Variants in POGLUT3 observed in about 807,000 individuals in gnomAD.
POGLUT3 encodes the protein protein O-glucosyltransferase 3.
In POGLUT3, 48 loss-of-function variants were observed where a neutral mutation model predicts 54.3. That is an observed-to-expected ratio of 0.88 (90% CI 0.70 to 1.12). The LOEUF (loss-of-function observed/expected upper bound fraction) is 1.12. Ranked by LOEUF, POGLUT3 falls within the 50% of genes most tolerant of loss-of-function variation. The pLI is 0.00. For synonymous variants in POGLUT3, 218 were observed against 237.4 expected, an observed-to-expected ratio of 0.92 and a Z score of 0.75; for missense variants, 629 against 618.7, an observed-to-expected ratio of 1.02 and a Z score of -0.18.
chr11:108,497,531 A>G (rs1339999284), intron 1 of POGLUT3, among the ~76,000 whole-genome samples: 1 of 152,250 alleles, frequency 6.6e-6, no homozygotes, highest in Admixed American at 6.5e-5. Context: ...CGTGAAGGAC[A>G]ACGTGGGAGG....
intron 3 of POGLUT3, among the ~76,000 whole-genome samples, chr11:108,485,636 T>TTTTATTTA (rs34832849): frequency 0.13 from 17,843 of 140,276 alleles, 1,290 homozygotes; most frequent in Middle Eastern, 0.29. Flanking sequence ...CTTTATTCTA[T>TTTTATTTA]TTTATTTATT....
chr11:108,480,664 C>T (rs906862293), intron 5 of POGLUT3, among the ~76,000 whole-genome samples: 2 of 152,006 alleles, frequency 1.3e-5, no homozygotes, highest in Admixed American at 6.6e-5. Context: ...CTCTGGGCCT[C>T]GTGATAATGC....
chr11:108,474,930 C>A lies in POGLUT3; in HGVS notation c.1421G>T (p.Ser474Ile), dbSNP rs2093577642. Reference sequence around the variant, plus strand: ...CATTCCATCACGTACTTCGGGTTTGCTGGACTGGCGCTCGGCATATTTCTG... The same window carrying A: ...CATTCCATCACGTACTTCGGGTTTGATGGACTGGCGCTCGGCATATTTCTG... ...VLQKYAERQS[S>I]KPEVRDGMEL... Residue 474 changes from serine (S) to isoleucine (I), a missense_variant, in exon 8 of 8, where the codon AGC (serine) becomes ATC (isoleucine). By Grantham distance (142) the Ser-to-Ile change is moderately radical. Transcript: ENST00000323468. 10 of 1,613,968 alleles carry A rather than the reference C, an allele frequency of 6.2e-6. No homozygotes were observed. The highest frequency in any genetic ancestry group is 8.5e-6 in the Non-Finnish European group (10 of 1,179,924).
rs886891099 is a variant in POGLUT3 at position 108,479,430 on chromosome 11, G to A, written c.1164C>T (p.Gly388=). 57 of 1,612,926 alleles carry A rather than the reference G, an allele frequency of 3.5e-5. No homozygotes were observed. Among genetic ancestry groups the A allele is most frequent in the Non-Finnish European group, 4.4e-5 (52 of 1,179,780 alleles). The change falls in exon 6 of 8, where the codon GGC becomes GGT. Residue 388 remains glycine, a synonymous_variant. Coordinates refer to ENST00000323468, the MANE Select transcript of POGLUT3 (RefSeq NM_153705.5). ...AGTCCTGCTTTAAAACCAGACTGTC[G>A]CCCAGCATGAGATATGGATATCTGT... ...AAYRYPYLML[G]DSLVLKQDSP... is the part of the protein sequence containing the mutation.
Sources: gnomAD v4.1 joint callset for allele counts (sites outside exome capture counted in the v4.1 genomes callset) on GRCh38, gnomAD v4.1.1 for gene constraint, MANE v1.5 for transcripts, NCBI Gene and HGNC (gene_info 2026-07-23, HGNC 2026-07-21) for gene names.